Variants in PFKL observed in about 807,000 individuals in gnomAD.
The protein encoded by PFKL is phosphofructokinase, liver type.
In PFKL, 74 loss-of-function variants were observed where a neutral mutation model predicts 92.1. That is an observed-to-expected ratio of 0.80 (90% CI 0.67 to 0.97). The LOEUF is 0.97. PFKL is among the 50% of genes least tolerant of loss of function. PFKL has a pLI of 0.00. For missense variants in PFKL, 1,028 were observed against 1,116.6 expected (o/e 0.92, Z 1.13); for synonymous variants, 494 against 456.4 (o/e 1.08, Z -1.05).
At chr21:44,303,521 C>G (rs9979367) in intron 1 of PFKL, among the ~76,000 whole-genome samples, 50,345 of 149,162 alleles carry the variant, frequency 0.34, 9,569 homozygotes, top group African/African-American at 0.52. Context: ...TCTCTGGGCC[C>G]TTTGTCTAGT....
chr21:44,317,804 GGA>G (rs1394320013), intron 9 of PFKL, among the ~76,000 whole-genome samples: 58 of 152,234 alleles, frequency 3.8e-4, no homozygotes, highest in Non-Finnish European at 8.1e-4. Context: ...ACAGCGTCCT[GGA>G]GAGACTGCCC....
At chr21:44,325,674 C>T (rs954569048) in intron 19 of PFKL, 2 of 510,728 alleles carry the variant, frequency 3.9e-6, no homozygotes, top group Non-Finnish European at 7.1e-6. Context: ...GGTGATGGGG[C>T]CCGAGGTGGG....
intron 18 of PFKL, 26 bp from the exon 19 acceptor site, chr21:44,325,127 G>T (rs200025104): frequency 6.6e-7 from 1 of 1,506,512 alleles, no homozygotes; most frequent in South Asian, 1.1e-5. Flanking sequence ...CGTTCCCGCC[G>T]ACTCAGGCCC....
intron 14 of PFKL, 55 bp from the exon 15 acceptor site, chr21:44,322,907 C>T (rs2047394396): frequency 1.5e-6 from 2 of 1,320,770 alleles, no homozygotes; most frequent in Non-Finnish European, 2.2e-6. Context: ...CAGATGCAAT[C>T]TGGACACGCG....
intron 1 of PFKL, chr21:44,306,072 G>A (rs1400117831): frequency 1.4e-6 from 1 of 709,796 alleles, no homozygotes; most frequent in East Asian, 6.6e-5. Flanking sequence ...TTTCCTCAGT[G>A]CCCAGAGGTG....
rs373371133 is a variant in PFKL, at chr21:44,316,253, C to G, written c.757C>G (p.Arg253Gly). The G allele has an allele frequency of 3.1e-6, 5 of 1,612,872 alleles. No individual in the cohort carries two copies. The highest frequency in any genetic ancestry group is 4.2e-6 in the Non-Finnish European group (5 of 1,179,876). ...CGTGTCTTTGACCCAGACTCGGAGC[C>G]GTGGGTCCCGACTGAACATCATCAT... ...MCERLGETRSRGSRLNIIIIA... is the reference protein window; with the variant it reads ...MCERLGETRSGGSRLNIIIIA... The change falls in exon 8 of 22, where the codon CGT (arginine) becomes GGT (glycine). Residue 253 changes from arginine (R) to glycine (G), a missense_variant. Arg to Gly is a moderately radical substitution (Grantham distance 125). Transcript: ENST00000349048.
chr21:44,307,410 G>T (rs956223912), intron 2 of PFKL: 36 of 580,090 alleles, frequency 6.2e-5, no homozygotes, highest in Non-Finnish European at 1.1e-5. Context: ...CGCACTCACA[G>T]GCTGCATTCT....
rs1319789102 is a variant in PFKL, at chr21:44,311,063, G to A, written c.217G>A (p.Val73Ile). The change falls in exon 3 of 22, where the codon GTC (valine) becomes ATC (isoleucine). Residue 73 changes from valine (V) to isoleucine (I), a missense_variant. Coordinates refer to ENST00000349048, the MANE Select transcript of PFKL (RefSeq NM_002626.6). Reference protein sequence around the residue: ...ENIKQANWLSVSNIIQLGGTI... With the variant: ...ENIKQANWLSISNIIQLGGTI... ...CATCAAGCAGGCCAACTGGCTGAGC[G>A]TCTCCAACATCATCCAGCTGGTGAG... The A allele has an allele frequency of 6.2e-6, 10 of 1,612,898 alleles. No individual in the cohort carries two copies. Among genetic ancestry groups the A allele is most frequent in the East Asian group, 2.2e-5 (1 of 44,838 alleles).
chr21:44,319,949 G>A, intron 11 of PFKL, 135 bp from the exon 12 acceptor site: 1 of 755,080 alleles, frequency 1.3e-6, no homozygotes, highest in Non-Finnish European at 2.3e-6. Context: ...CATGCGCGGT[G>A]TCTGCTGCCT....
chr21:44,326,715 G>A lies in PFKL; in HGVS notation c.2196G>A (p.Glu732=), dbSNP rs762217354. The A allele has an allele frequency of 5.0e-6, 8 of 1,611,620 alleles. No homozygotes were observed. The South Asian group carries it at 8.8e-5, about 18-fold the overall frequency. The change falls in exon 22 of 22, where the codon GAG becomes GAA. Residue 732 remains glutamate, a splice_region_variant and synonymous_variant. Coordinates refer to ENST00000349048, the MANE Select transcript of PFKL (RefSeq NM_002626.6). ...VTELKKDTDF[E]HRMPREQWWL... ...ATCCTCCCATCCCCGTCCTGCACAG[G>A]CACCGCATGCCACGGGAGCAGTGGT... is the stretch of plus-strand genomic sequence containing the variant.
chr21:44,302,022 A>T (rs1392267791), intron 1 of PFKL, among the ~76,000 whole-genome samples: 1 of 152,056 alleles, frequency 6.6e-6, no homozygotes, highest in African/African-American at 2.4e-5. Flanking sequence ...GGATCTGGAG[A>T]TGGGATGCCC....
At chr21:44,319,555 C>T in intron 11 of PFKL, 140 bp downstream of exon 11, 1 of 749,798 alleles carries the variant, frequency 1.3e-6, no homozygotes. Flanking sequence ...GAGGAAGGGG[C>T]CTGCGGGTGG....
chr21:44,316,471 G>C lies in PFKL; in HGVS notation c.883G>C (p.Val295Leu), dbSNP rs879310536. The C allele has an allele frequency of 6.2e-7, 1 of 1,610,070 alleles. No individual in the cohort carries two copies. ...GCTGGGCTTCGACACCCGTGTAACT[G>C]TGCTGGGCCACGTGCAGCGGGGAGG... The part of the protein sequence containing the change: ...QRLGFDTRVT[V>L]LGHVQRGGTP... The change falls in exon 9 of 22, where the codon GTG becomes CTG. Residue 295 changes from valine to leucine, a missense_variant. Physicochemically the swap from Val to Leu is conservative, Grantham distance 32. Coordinates refer to ENST00000349048, the MANE Select transcript of PFKL (RefSeq NM_002626.6).
chr21:44,323,992 G>T, intron 16 of PFKL, 74 bp downstream of exon 16: 2 of 1,558,442 alleles, frequency 1.3e-6, no homozygotes, highest in South Asian at 1.1e-5. Context: ...GGAGGCTGCT[G>T]GAGGGGATAG....
chr21:44,311,133 C>G (rs778278471), intron 3 of PFKL, 50 bp downstream of exon 3: 5 of 1,423,728 alleles, frequency 3.5e-6, no homozygotes, highest in Non-Finnish European at 4.9e-6. Flanking sequence ...CGCAGACAGA[C>G]ACACAGAGAC....
chr21:44,316,093 A>G (rs2047196540), intron 7 of PFKL, 151 bp from the exon 8 acceptor site: 2 of 694,348 alleles, frequency 2.9e-6, no homozygotes, highest in Non-Finnish European at 5.1e-6. Context: ...CTCGCGCTCC[A>G]GGCCTGCTTT....
At chr21:44,326,293 G>T (rs776601793) in intron 21 of PFKL, 29 bp downstream of exon 21, 3 of 1,526,872 alleles carry the variant, frequency 2.0e-6, no homozygotes, top group Non-Finnish European at 1.8e-6. Context: ...TCGTGGAGGC[G>T]GGTGGGGCTG....
At chr21:44,320,384 G>A in intron 12 of PFKL, 1 of 476,278 alleles carries the variant, frequency 2.1e-6, no homozygotes, top group South Asian at 2.7e-5. Context: ...AGTGGTGGAT[G>A]GAAATGAAGT....
intron 7 of PFKL, chr21:44,314,583 G>C (rs1306672209): frequency 1.5e-5 from 2 of 135,538 alleles, no homozygotes; most frequent in South Asian, 4.5e-4. Flanking sequence ...GACCGCCTCT[G>C]GGAGGGATGG....
Sources: allele counts gnomAD v4.1 joint callset (sites outside exome capture counted in the v4.1 genomes callset), GRCh38; gene constraint gnomAD v4.1.1; transcripts MANE v1.5; gene names NCBI Gene and HGNC (gene_info 2026-07-23, HGNC 2026-07-21).